ALK: variants seen among roughly 807,000 people sequenced by gnomAD.
ALK encodes the protein ALK receptor tyrosine kinase, also known as ALK tyrosine kinase receptor.
ALK carries 74 observed loss-of-function variants against 163.1 expected under a neutral mutation model. The observed-to-expected ratio is 0.45, with a 90% CI of 0.38 to 0.55. The LOEUF (loss-of-function observed/expected upper bound fraction) is 0.55, where lower values mean the gene tolerates loss of function less well. ALK is among the 20% of genes least tolerant of loss of function. The probability of loss-of-function intolerance (pLI) is 0.00; values close to 1 mark genes in which losing one functional copy is unlikely to be tolerated. For synonymous variants in ALK, 960 were observed against 843.2 expected, an observed-to-expected ratio of 1.14 and a Z score of -2.40; for missense variants, 2,063 against 2,105.3, an observed-to-expected ratio of 0.98 and a Z score of 0.39.
intron 3 of ALK, among the ~76,000 whole-genome samples, chr2:29,677,315 G>T (rs1677912758): frequency 7.4e-6 from 1 of 134,380 alleles, no homozygotes. Context: ...TATTGGCTAG[G>T]CTCAATCACT....
At chr2:29,381,564 CT>C (rs1668897340) in intron 5 of ALK, among the ~76,000 whole-genome samples, 2 of 152,190 alleles carry the variant, frequency 1.3e-5, no homozygotes, top group African/African-American at 4.8e-5. Flanking sequence ...TGTGTTTCCC[CT>C]TGTGCTCCAT....
intron 5 of ALK, among the ~76,000 whole-genome samples, chr2:29,335,150 T>A (rs1275733094): frequency 2.6e-5 from 4 of 152,196 alleles, no homozygotes. Flanking sequence ...TGGTTCCTGG[T>A]AACCACTGAA....
rs933306423 is a variant in ALK, at chr2:29,443,143, C to T, written c.1155-59284G>A. 2.6e-5 allele frequency among the ~76,000 whole-genome samples: 4 copies of T among 152,224 alleles called. No homozygotes were observed. In the East Asian group the frequency reaches 7.7e-4, roughly 29 times the overall value. On this transcript the variant is annotated intron_variant, in intron 4 of 28. Coordinates refer to ENST00000389048, the MANE Select transcript of ALK (RefSeq NM_004304.5). ...CTAAACTTTCGCTTCTTGCACTTCT[C>T]CTCTTTCTCCTTGTTTGCCTCTGTA...
intron 3 of ALK, among the ~76,000 whole-genome samples, chr2:29,546,479 T>C (rs1173304958): frequency 1.3e-5 from 2 of 152,144 alleles, no homozygotes; most frequent in African/African-American, 4.8e-5. Context: ...AAGAATTGAT[T>C]TAATTCAATG....
intron 3 of ALK, among the ~76,000 whole-genome samples, chr2:29,603,780 CA>C (rs933218439): frequency 6.6e-6 from 1 of 152,140 alleles, no homozygotes; most frequent in Admixed American, 6.5e-5. Flanking sequence ...GGATAGAAAC[CA>C]TCCCTCAGTT....
intron 1 of ALK, among the ~76,000 whole-genome samples, chr2:29,737,900 A>C (rs1679938748): frequency 1.3e-5 from 2 of 152,060 alleles, no homozygotes; most frequent in South Asian, 4.1e-4. Context: ...CCTTGGAAGA[A>C]TAGTCAGGCC....
intron 1 of ALK, among the ~76,000 whole-genome samples, chr2:29,811,558 G>C (rs1464837307): frequency 6.6e-6 from 1 of 152,216 alleles, no homozygotes; most frequent in African/African-American, 2.4e-5. Flanking sequence ...TGACAGGTGT[G>C]AGATGGAACT....
chr2:29,705,769 G>A (rs978256182), intron 2 of ALK, among the ~76,000 whole-genome samples: 2 of 152,232 alleles, frequency 1.3e-5, no homozygotes, highest in Non-Finnish European at 2.9e-5. Context: ...AAATGCAATA[G>A]TGTATGTTGA....
At chr2:29,448,236 T>G (rs867798222) in intron 4 of ALK, among the ~76,000 whole-genome samples, 1 of 152,184 alleles carries the variant, frequency 6.6e-6, no homozygotes, top group African/African-American at 2.4e-5. Flanking sequence ...CTGGAAACCT[T>G]TTTGATTTTC....
At chr2:29,367,121 C>T (rs1397260408) in intron 5 of ALK, among the ~76,000 whole-genome samples, 1 of 152,120 alleles carries the variant, frequency 6.6e-6, no homozygotes, top group Non-Finnish European at 1.5e-5. Flanking sequence ...TATCTGGATG[C>T]CATGTGTTCC....
intron 5 of ALK, among the ~76,000 whole-genome samples, chr2:29,378,804 C>T (rs1369134152): frequency 1.3e-5 from 2 of 152,040 alleles, no homozygotes. Flanking sequence ...CAACCTCTGC[C>T]TCCCGGGTTC....
intron 4 of ALK, among the ~76,000 whole-genome samples, chr2:29,384,734 A>C (rs1224965582): frequency 6.6e-6 from 1 of 152,058 alleles, no homozygotes; most frequent in Non-Finnish European, 1.5e-5. Context: ...ATTATTTGAT[A>C]TTTTCTTTCC....
chr2:29,913,554 T>A (rs1297757001), intron 1 of ALK, among the ~76,000 whole-genome samples: 1 of 152,110 alleles, frequency 6.6e-6, no homozygotes, highest in South Asian at 2.1e-4. Flanking sequence ...CTCCACATGA[T>A]CCTAGACCTA....
chr2:29,692,038 C>A (rs1573559641), intron 3 of ALK, among the ~76,000 whole-genome samples: 1 of 152,062 alleles, frequency 6.6e-6, no homozygotes, highest in Non-Finnish European at 1.5e-5. Context: ...CTAGGGGTGG[C>A]TGAATGGGAG....
chr2:29,819,576 T>C (rs1325376840), intron 1 of ALK, among the ~76,000 whole-genome samples: 1 of 152,256 alleles, frequency 6.6e-6, no homozygotes, highest in Admixed American at 6.5e-5. Flanking sequence ...CATTCTCCCA[T>C]GGTGTAGAGT....
At chr2:29,823,467 A>C (rs962096350) in intron 1 of ALK, among the ~76,000 whole-genome samples, 1 of 152,088 alleles carries the variant, frequency 6.6e-6, no homozygotes, top group African/African-American at 2.4e-5. Context: ...AAACTTTGGA[A>C]CTCCCTAAAG....
intron 26 of ALK, among the ~76,000 whole-genome samples, chr2:29,200,263 G>C (rs896894304): frequency 6.6e-6 from 1 of 152,152 alleles, no homozygotes; most frequent in Admixed American, 6.6e-5. Flanking sequence ...AAGGCCTAAA[G>C]AATTATAGCT....
intron 1 of ALK, among the ~76,000 whole-genome samples, chr2:29,806,188 C>T (rs529313409): frequency 4.7e-4 from 71 of 152,200 alleles, no homozygotes; most frequent in South Asian, 3.9e-3. Flanking sequence ...GGTCTTAAGA[C>T]TAAGGTAAGA....
chr2:29,480,813 A>T (rs1671644450), intron 4 of ALK, among the ~76,000 whole-genome samples: 1 of 138,840 alleles, frequency 7.2e-6, no homozygotes, highest in Non-Finnish European at 1.6e-5. Context: ...AAAAAAAAAA[A>T]AGCCATCATT....
Sources: gnomAD v4.1 joint callset for allele counts (sites outside exome capture counted in the v4.1 genomes callset) on GRCh38, gnomAD v4.1.1 for gene constraint, MANE v1.5 for transcripts, NCBI Gene and HGNC (gene_info 2026-07-23, HGNC 2026-07-21) for gene names.